SLC16A2: variants seen among roughly 807,000 people sequenced by gnomAD.
SLC16A2 encodes the protein monocarboxylate transporter 8.
SLC16A2 carries 3 observed loss-of-function variants against 27.2 expected under a neutral mutation model. The observed-to-expected ratio is 0.11, with a 90% CI of 0.05 to 0.28. The LOEUF is 0.28. Among genes scored for constraint, SLC16A2 ranks in the 10% least tolerant of loss-of-function variants. SLC16A2 has a pLI of 1.00. For synonymous variants in SLC16A2, 202 were observed against 187.8 expected (o/e 1.08, Z -0.62); for missense variants, 295 against 458.5 (o/e 0.64, Z 3.26).
intron 4 of SLC16A2, among the ~76,000 whole-genome samples, chrX:74,528,537 C>A (rs912281276): frequency 1.8e-5 from 2 of 111,501 alleles, no homozygotes; most frequent in African/African-American, 6.5e-5. Flanking sequence ...CTGGAAGGCT[C>A]CTCTGTTGCC....
chrX:74,425,047 A>T lies in SLC16A2; in HGVS notation c.430+2980A>T, dbSNP rs186681271. 3.6e-5 allele frequency among the ~76,000 whole-genome samples: 4 copies of T among 111,458 alleles called. No homozygotes were observed. In the East Asian group the frequency reaches 1.1e-3, roughly 31 times the overall value. On this transcript the variant is annotated intron_variant, in intron 1 of 5. Coordinates refer to ENST00000587091, the MANE Select transcript of SLC16A2 (RefSeq NM_006517.5). ...CTAATTTTTATTTATTTATTTATTT[A>T]TTTAAAAACAGACTCTTGCTATGTT... is the stretch of plus-strand genomic sequence containing the variant.
At chrX:74,511,400 C>T (rs755962553) in intron 1 of SLC16A2, among the ~76,000 whole-genome samples, 1 of 111,658 alleles carries the variant, frequency 9.0e-6, no homozygotes, top group Non-Finnish European at 1.9e-5. Flanking sequence ...CTATGATGGT[C>T]TCTATCTCCT....
intron 1 of SLC16A2, chrX:74,477,111 AC>A (rs1321454643): frequency 9.0e-6 from 1 of 111,182 alleles, no homozygotes; most frequent in Non-Finnish European, 1.9e-5. Context: ...CTGGTCTTGG[AC>A]TTTTTTTTGG....
At chrX:74,479,788 G>A (rs1236025050) in intron 1 of SLC16A2, among the ~76,000 whole-genome samples, 1 of 111,980 alleles carries the variant, frequency 8.9e-6, no homozygotes, top group Non-Finnish European at 1.9e-5. Flanking sequence ...AGCAGAGGCT[G>A]CAGAACAATG....
chrX:74,496,541 C>A (rs191077717), intron 1 of SLC16A2, among the ~76,000 whole-genome samples: 1 of 112,206 alleles, frequency 8.9e-6, no homozygotes, highest in African/African-American at 3.2e-5. Context: ...CAGGGAGCTA[C>A]CCCAGGCTGA....
intron 1 of SLC16A2, among the ~76,000 whole-genome samples, chrX:74,449,939 T>C (rs1928907652): frequency 8.9e-6 from 1 of 112,027 alleles, no homozygotes; most frequent in Non-Finnish European, 1.9e-5. Context: ...CTATGGATAA[T>C]GGGATGATCT....
intron 1 of SLC16A2, 75 bp downstream of exon 1, chrX:74,422,142 C>G (rs1181363603): frequency 2.9e-6 from 3 of 1,037,874 alleles, no homozygotes; most frequent in African/African-American, 3.7e-5. Context: ...CCCCATACCT[C>G]CCGGTCCGAG....
At chrX:74,466,315 G>A (rs1929249398) in intron 1 of SLC16A2, among the ~76,000 whole-genome samples, 1 of 111,189 alleles carries the variant, frequency 9.0e-6, no homozygotes, top group Admixed American at 9.6e-5. Context: ...CCATTCCTCT[G>A]ACCTTTCTTG....
chrX:74,489,760 T>C (rs908600266), intron 1 of SLC16A2, among the ~76,000 whole-genome samples: 2 of 110,754 alleles, frequency 1.8e-5, no homozygotes, highest in Non-Finnish European at 3.8e-5. Flanking sequence ...TTTAAATTCT[T>C]GATAACCTGT....
Position 74,421,748 on chromosome X carries a change from T to C in SLC16A2, c.111T>C (p.Pro37=), listed in dbSNP as rs762215475. The change falls in exon 1 of 6, where the codon CCT becomes CCC. Residue 37 remains proline, a synonymous_variant. Coordinates refer to ENST00000587091, the MANE Select transcript of SLC16A2 (RefSeq NM_006517.5). ...CAGAGCCGGAGTCTGAGCCGGAGCC[T>C]GAGCCCGAGCCCGAGCCCGTGCCAG... The part of the protein sequence containing the change: ...GSPEPESEPE[P]EPEPEPVPVP... The C allele has an allele frequency of 2.2e-5, 25 of 1,152,757 alleles. No individual in the cohort carries two copies. Among genetic ancestry groups the C allele is most frequent in the Non-Finnish European group, 2.8e-5 (24 of 865,271 alleles).
intron 1 of SLC16A2, among the ~76,000 whole-genome samples, chrX:74,456,696 C>G (rs1374969758): frequency 8.9e-6 from 1 of 112,166 alleles, no homozygotes; most frequent in Non-Finnish European, 1.9e-5. Flanking sequence ...CTTGGATCTG[C>G]ATAGACAATT....
At chrX:74,455,379 G>C (rs1428497084) in intron 1 of SLC16A2, among the ~76,000 whole-genome samples, 1 of 111,353 alleles carries the variant, frequency 9.0e-6, no homozygotes, top group Non-Finnish European at 1.9e-5. Flanking sequence ...TAAGTGAGCT[G>C]TCTCAGGGTC....
intron 1 of SLC16A2, among the ~76,000 whole-genome samples, chrX:74,447,835 A>T (rs1272631312): frequency 1.8e-5 from 2 of 109,903 alleles, no homozygotes; most frequent in Non-Finnish European, 3.8e-5. Context: ...AAAATGCAAA[A>T]ATTAGCCAGA....
intron 1 of SLC16A2, among the ~76,000 whole-genome samples, chrX:74,477,795 G>A (rs912488866): frequency 2.7e-5 from 3 of 112,272 alleles, no homozygotes; most frequent in Non-Finnish European, 5.6e-5. Context: ...GTGGTTTTGA[G>A]TGAGTTTCTC....
intron 1 of SLC16A2, among the ~76,000 whole-genome samples, chrX:74,454,259 T>C (rs1928998251): frequency 2.7e-5 from 3 of 111,316 alleles, no homozygotes; most frequent in Admixed American, 1.9e-4. Flanking sequence ...AACATGCTGC[T>C]ATAAAGACAC....
At chrX:74,439,220 TTCTC>T (rs1281395543) in intron 1 of SLC16A2, among the ~76,000 whole-genome samples, 2 of 90,777 alleles carry the variant, frequency 2.2e-5, no homozygotes, top group African/African-American at 4.4e-5. Context: ...CTTCCTTCCT[TTCTC>T]TCTCTCTCTC....
intron 1 of SLC16A2, among the ~76,000 whole-genome samples, chrX:74,519,151 T>A (rs1930362319): frequency 9.0e-6 from 1 of 110,598 alleles, no homozygotes; most frequent in Non-Finnish European, 1.9e-5. Flanking sequence ...ATTTACAAAG[T>A]TCTCTTCTTA....
intron 1 of SLC16A2, among the ~76,000 whole-genome samples, chrX:74,445,712 A>G (rs970750260): frequency 9.4e-6 from 1 of 106,378 alleles, no homozygotes; most frequent in Non-Finnish European, 1.9e-5. Context: ...ACAATGCACT[A>G]TACATAGTCA....
At chrX:74,426,995 C>T (rs1394098247) in intron 1 of SLC16A2, among the ~76,000 whole-genome samples, 1 of 112,022 alleles carries the variant, frequency 8.9e-6, no homozygotes, top group East Asian at 2.8e-4. Context: ...TCCAGAGTGT[C>T]CTGATTGGTA....
Sources: gnomAD v4.1 joint callset for allele counts (sites outside exome capture counted in the v4.1 genomes callset) on GRCh38, gnomAD v4.1.1 for gene constraint, MANE v1.5 for transcripts, NCBI Gene and HGNC (gene_info 2026-07-23, HGNC 2026-07-21) for gene names.